The following YJU2B variants were observed in gnomAD, a reference collection of about 807,000 sequenced individuals.
YJU2B encodes probable splicing factor YJU2B.
Under a neutral mutation model 38.0 loss-of-function variants are expected in YJU2B, and 18 were observed. The observed-to-expected ratio is 0.47, with a 90% CI of 0.33 to 0.70. YJU2B has a LOEUF of 0.70. Among genes scored for constraint, YJU2B ranks in the 30% least tolerant of loss-of-function variants. YJU2B has a pLI of 0.02. For synonymous variants in YJU2B, 246 were observed against 225.4 expected (o/e 1.09, Z -0.82); for missense variants, 538 against 556.3 (o/e 0.97, Z 0.33).
intron 2 of YJU2B, among the ~76,000 whole-genome samples, chr19:13,742,230 AT>A (rs1242310783): frequency 7.2e-6 from 1 of 138,132 alleles, no homozygotes; most frequent in East Asian, 2.1e-4. Flanking sequence ...TACATTCCCC[AT>A]TTCTCTCTCC....
At chr19:13,760,481 T>G (rs1353304053) in intron 8 of YJU2B, among the ~76,000 whole-genome samples, 2 of 152,226 alleles carry the variant, frequency 1.3e-5, no homozygotes, top group Admixed American at 6.5e-5. Context: ...ACTGTCAACG[T>G]TGAGGATTAA....
intron 6 of YJU2B, 145 bp downstream of exon 6, chr19:13,757,991 C>G (rs2145156927): frequency 1.5e-6 from 1 of 658,326 alleles, no homozygotes; most frequent in East Asian, 2.7e-5. Flanking sequence ...CACACCCCAC[C>G]CCCGCAACCC....
chr19:13,757,273 T>C, intron 4 of YJU2B, 145 bp from the exon 5 acceptor site: 1 of 634,338 alleles, frequency 1.6e-6, no homozygotes, highest in Non-Finnish European at 2.9e-6. Context: ...CCATTTCCTG[T>C]GTAATGTGAG....
intron 1 of YJU2B, among the ~76,000 whole-genome samples, chr19:13,750,009 CTG>C (rs1229905330): frequency 6.6e-6 from 1 of 152,128 alleles, no homozygotes; most frequent in Non-Finnish European, 1.5e-5. Context: ...CATTTCCCAC[CTG>C]TGTCACCTGC....
At chr19:13,742,357 C>T (rs993047374) in intron 2 of YJU2B, among the ~76,000 whole-genome samples, 7 of 134,976 alleles carry the variant, frequency 5.2e-5, no homozygotes, top group Non-Finnish European at 1.1e-4. Context: ...CGCTGGAGTG[C>T]AGTGGCGCAA....
chr19:13,760,074 G>T (rs1418049987), intron 8 of YJU2B, among the ~76,000 whole-genome samples: 1 of 151,984 alleles, frequency 6.6e-6, no homozygotes, highest in Non-Finnish European at 1.5e-5. Flanking sequence ...TCACAGGCGT[G>T]AGCCACCGCA....
At chr19:13,740,656 C>A (rs1973069700) in intron 2 of YJU2B, among the ~76,000 whole-genome samples, 1 of 152,138 alleles carries the variant, frequency 6.6e-6, no homozygotes, top group Non-Finnish European at 1.5e-5. Context: ...CCTGCCTCAG[C>A]CTCCCGAATA....
chr19:13,734,639 A>G (rs951633008), intron 2 of YJU2B, among the ~76,000 whole-genome samples: 2 of 152,102 alleles, frequency 1.3e-5, no homozygotes, highest in African/African-American at 4.8e-5. Flanking sequence ...CCCAGCCTGG[A>G]GTGCAGTGCT....
At position 13,762,860 on chromosome 19, in the gene YJU2B, AC is replaced by A; in HGVS notation, c.985del (p.Arg329GlyfsTer80). On this transcript the variant is annotated frameshift_variant, in exon 10 of 10. Coordinates refer to ENST00000221554, the MANE Select transcript of YJU2B (RefSeq NM_030818.4). LOFTEE classifies it low-confidence loss of function (END_TRUNC). The part of the protein sequence containing the change: ...EPRVPEEAAQ[D>X]RPMSPGDCPP... ...CGGGTACCAGAGGAGGCTGCCCAGG[AC>A]CGGCCCATGTCCCCCGGAGACTGTC... The A allele has an allele frequency of 6.2e-7, 1 of 1,608,356 alleles. No homozygotes were observed. The highest frequency in any genetic ancestry group is 8.5e-7 in the Non-Finnish European group (1 of 1,178,206).
At chr19:13,734,788 G>A (rs1029286985) in intron 2 of YJU2B, among the ~76,000 whole-genome samples, 12 of 151,930 alleles carry the variant, frequency 7.9e-5, no homozygotes, top group African/African-American at 2.7e-4. Context: ...GTTCTGTTTT[G>A]TAGAAGTGAG....
intron 2 of YJU2B, among the ~76,000 whole-genome samples, chr19:13,737,095 A>G (rs1972970499): frequency 1.3e-5 from 2 of 151,888 alleles, no homozygotes; most frequent in African/African-American, 4.8e-5. Flanking sequence ...TGGCACAGTC[A>G]TAGCTCACTG....
chr19:13,760,597 A>T (rs452960), intron 8 of YJU2B, among the ~76,000 whole-genome samples: 60,323 of 150,556 alleles, frequency 0.4, 12,346 homozygotes, highest in East Asian at 0.61. Flanking sequence ...TTATTTATTT[A>T]TTTTTTTTCT....
chr19:13,762,397 C>T lies in YJU2B; in HGVS notation c.672C>T (p.Asp224=), dbSNP rs771163514. The change falls in exon 9 of 10, where the codon GAC becomes GAT. Residue 224 remains aspartate (D), a synonymous_variant. Coordinates refer to ENST00000221554, the MANE Select transcript of YJU2B (RefSeq NM_030818.4). ...TIPLVPETED[D]RKLAALLKFH... is the part of the protein sequence containing the mutation. ...CGCTGGTGCCCGAGACGGAAGATGA[C>T]CGCAAGCTGGCGGCTCTGCTGAAGT... is the stretch of plus-strand genomic sequence containing the variant. 6.2e-7 allele frequency: 1 copy of T among 1,613,696 alleles called. No individual in the cohort carries two copies. The highest frequency in any genetic ancestry group is 8.5e-7 in the Non-Finnish European group (1 of 1,180,020).
intron 2 of YJU2B, 111 bp downstream of exon 2, chr19:13,751,922 GTCA>G (rs1010405790): frequency 9.3e-7 from 1 of 1,072,754 alleles, no homozygotes; most frequent in African/African-American, 1.6e-5. Context: ...CAATCTCCGG[GTCA>G]TCATCTTTTG....
intron 8 of YJU2B, 35 bp downstream of exon 8, chr19:13,759,307 G>C: frequency 6.4e-7 from 1 of 1,553,726 alleles, no homozygotes; most frequent in Non-Finnish European, 8.7e-7. Context: ...CAGAGAGGAT[G>C]CATGGTGGAC....
intron 2 of YJU2B, among the ~76,000 whole-genome samples, chr19:13,735,960 G>A (rs540457015): frequency 1.5e-4 from 23 of 151,354 alleles, no homozygotes; most frequent in African/African-American, 4.6e-4. Flanking sequence ...GCTGAGGCAG[G>A]AGAATGGCAT....
intron 2 of YJU2B, among the ~76,000 whole-genome samples, chr19:13,740,340 T>C (rs1459036426): frequency 6.6e-6 from 1 of 151,914 alleles, no homozygotes; most frequent in Admixed American, 6.6e-5. Context: ...GCCTCTTGAG[T>C]AGCTTGGACT....
upstream of YJU2B, among the ~76,000 whole-genome samples, chr19:13,745,213 T>C (rs1373822241): frequency 6.6e-6 from 1 of 152,128 alleles, no homozygotes; most frequent in Non-Finnish European, 1.5e-5. Context: ...CTAGGGGCAT[T>C]CTATGAGATT....
chr19:13,742,928 C>A (rs1042609666), upstream of YJU2B, among the ~76,000 whole-genome samples: 1 of 152,230 alleles, frequency 6.6e-6, no homozygotes, highest in East Asian at 1.9e-4. Flanking sequence ...GCACACCCCC[C>A]ACCTGACTCA....
Sources: allele counts gnomAD v4.1 joint callset (sites outside exome capture counted in the v4.1 genomes callset), GRCh38; gene constraint gnomAD v4.1.1; transcripts MANE v1.5; gene names NCBI Gene and HGNC (gene_info 2026-07-23, HGNC 2026-07-21).